Variants in CTNNA1 observed in about 807,000 individuals in gnomAD.
CTNNA1 encodes the protein catenin alpha-1.
Under a neutral mutation model 98.4 loss-of-function variants are expected in CTNNA1, and 37 were observed. The ratio of observed to expected loss-of-function variants is 0.38; its 90% CI spans 0.29 to 0.49. The LOEUF is 0.49. CTNNA1 is among the 20% of genes least tolerant of loss of function. CTNNA1 has a pLI of 0.95. For synonymous variants in CTNNA1, 404 were observed against 413.2 expected (o/e 0.98, Z 0.27); for missense variants, 761 against 1,147.2 (o/e 0.66, Z 4.86).
At chr5:138,816,636 A>G (rs796707673) in intron 5 of CTNNA1, among the ~76,000 whole-genome samples, 3 of 151,824 alleles carry the variant, frequency 2.0e-5, no homozygotes, top group African/African-American at 7.2e-5. Context: ...AGTGATGTTG[A>G]GGATCTTTCC....
intron 1 of CTNNA1, among the ~76,000 whole-genome samples, chr5:138,773,923 G>A (rs1044741710): frequency 4.6e-5 from 7 of 151,998 alleles, no homozygotes; most frequent in African/African-American, 1.4e-4. Flanking sequence ...TCACTCTGTC[G>A]CCCTGGCTGG....
In CTNNA1 at chr5:138,873,142, G is replaced by T; in HGVS notation, c.1063-13070G>T. The T allele has an allele frequency of 1.2e-6, 2 of 1,614,012 alleles. No homozygotes were observed. On this transcript the variant is annotated intron_variant, in intron 7 of 17. Coordinates refer to ENST00000302763, the MANE Select transcript of CTNNA1 (RefSeq NM_001903.5). The surrounding 1 kb of genome is among the most constrained non-coding windows in gnomAD (Gnocchi z 6.1). ...CTTGGTCTGACATGTTTGACATATG[G>T]AGTCGTGTTTGGGATCGGAGCTGCC... is the stretch of plus-strand genomic sequence containing the variant.
chr5:138,790,479 CAT>C (rs1396955528), intron 3 of CTNNA1, among the ~76,000 whole-genome samples: 4 of 152,128 alleles, frequency 2.6e-5, no homozygotes, highest in East Asian at 1.9e-4. Flanking sequence ...ACATCTGAAA[CAT>C]GTTATTTGTG....
chr5:138,835,446 G>A (rs1004823135), intron 7 of CTNNA1, among the ~76,000 whole-genome samples: 6 of 152,226 alleles, frequency 3.9e-5, no homozygotes, highest in African/African-American at 1.2e-4. Context: ...ACCTAAATTA[G>A]TAGTCCATAG....
intron 7 of CTNNA1, among the ~76,000 whole-genome samples, chr5:138,880,886 C>T (rs887460251): frequency 1.3e-5 from 2 of 151,940 alleles, no homozygotes; most frequent in African/African-American, 2.4e-5. Flanking sequence ...ATCTGAGAAC[C>T]CTCTTAATAG....
At chr5:138,797,955 A>C (rs1561536056) in intron 3 of CTNNA1, among the ~76,000 whole-genome samples, 2 of 152,202 alleles carry the variant, frequency 1.3e-5, no homozygotes. Context: ...AGCTATTAGC[A>C]CAAAAGGAAC....
At chr5:138,913,979 G>A in intron 10 of CTNNA1, among the ~76,000 whole-genome samples, 1 of 152,186 alleles carries the variant, frequency 6.6e-6, no homozygotes, top group East Asian at 1.9e-4. Context: ...GCCTCCCAGA[G>A]TGCTGGGATT....
chr5:138,917,320 T>C (rs1449079923), intron 10 of CTNNA1, among the ~76,000 whole-genome samples: 1 of 152,212 alleles, frequency 6.6e-6, no homozygotes, highest in Admixed American at 6.5e-5. Context: ...GTCCATAACA[T>C]AGAATATATA....
At chr5:138,871,727 A>G (rs1750646312) in intron 7 of CTNNA1, 1 of 152,088 alleles carries the variant, frequency 6.6e-6, no homozygotes, top group African/African-American at 2.4e-5. Flanking sequence ...AGGCATGTCG[A>G]GTTGTTCTGC....
At chr5:138,875,395 C>T (rs866987804) in intron 7 of CTNNA1, 10 of 985,750 alleles carry the variant, frequency 1.0e-5, no homozygotes, top group South Asian at 9.4e-5. Context: ...CACCGGATGA[C>T]GTGTCTTTTG....
At chr5:138,933,734 C>G in intron 17 of CTNNA1, 68 bp from the exon 18 acceptor site, 1 of 1,534,644 alleles carries the variant, frequency 6.5e-7, no homozygotes, top group Non-Finnish European at 8.8e-7. Context: ...CCTTCAAGCA[C>G]AGCCCACCTG....
chr5:138,783,218 T>C lies in CTNNA1; in HGVS notation c.147T>C (p.Asn49=), dbSNP rs2149656210. 6.2e-7 allele frequency: 1 copy of C among 1,613,698 alleles called. No individual in the cohort carries two copies. ...ACACCAATAGTAAAGGGCCCTCTAATAAGAAGAGAGGTCGTTCTAAGAAGG... is the reference window on the plus strand; with the variant it reads ...ACACCAATAGTAAAGGGCCCTCTAACAAGAAGAGAGGTCGTTCTAAGAAGG... ...LVNTNSKGPS[N]KKRGRSKKAH... Residue 49 remains asparagine (N), a synonymous_variant, in exon 3 of 18, where the codon AAT becomes AAC. Transcript: ENST00000302763.
intron 3 of CTNNA1, among the ~76,000 whole-genome samples, chr5:138,805,170 A>G (rs544521480): frequency 1.3e-5 from 2 of 152,278 alleles, no homozygotes; most frequent in South Asian, 4.1e-4. Context: ...CATTCATGAG[A>G]AACCACTCTT....
At chr5:138,931,576 G>A (rs1294432717) in intron 16 of CTNNA1, 1 of 983,878 alleles carries the variant, frequency 1.0e-6, no homozygotes, top group Non-Finnish European at 1.2e-6. Flanking sequence ...CACACAATCG[G>A]TAATAGGGCC....
At chr5:138,778,135 A>G (rs1754609997) in intron 1 of CTNNA1, among the ~76,000 whole-genome samples, 1 of 147,464 alleles carries the variant, frequency 6.8e-6, no homozygotes, top group Admixed American at 6.9e-5. Flanking sequence ...CTGGGACTAC[A>G]GGCGACCGCC....
At chr5:138,868,991 C>T (rs1326277258) in intron 7 of CTNNA1, 1 of 148,948 alleles carries the variant, frequency 6.7e-6, no homozygotes, top group East Asian at 2.0e-4. Context: ...GTTACCCTCC[C>T]CCCTCCCAAA....
At chr5:138,929,167 C>T (rs886885047) in intron 13 of CTNNA1, 79 bp from the exon 14 acceptor site, 43 of 813,624 alleles carry the variant, frequency 5.3e-5, no homozygotes, top group Non-Finnish European at 8.7e-5. Context: ...CCTCCGTGCA[C>T]CTGGCCAAGA....
intron 3 of CTNNA1, among the ~76,000 whole-genome samples, chr5:138,800,607 C>G (rs1049350458): frequency 4.0e-5 from 6 of 151,636 alleles, no homozygotes; most frequent in Admixed American, 3.3e-4. Context: ...CCAGCCTGAC[C>G]AACATGGAGA....
At chr5:138,926,658 C>T (rs1764118236) in intron 13 of CTNNA1, among the ~76,000 whole-genome samples, 1 of 152,202 alleles carries the variant, frequency 6.6e-6, no homozygotes, top group Non-Finnish European at 1.5e-5. Context: ...GTACTAGGAT[C>T]CCAGCTTCTT....
Sources: allele counts gnomAD v4.1 joint callset (sites outside exome capture counted in the v4.1 genomes callset), GRCh38; gene constraint gnomAD v4.1.1; non-coding constraint Gnocchi (gnomAD v3.1); transcripts MANE v1.5; gene names NCBI Gene and HGNC (gene_info 2026-07-23, HGNC 2026-07-21).